DMXL2: variants seen among roughly 807,000 people sequenced by gnomAD.
DMXL2 encodes the protein dmX-like protein 2.
Under a neutral mutation model 331.1 loss-of-function variants are expected in DMXL2, and 103 were observed. The observed-to-expected ratio is 0.31, with a 90% confidence interval of 0.27 to 0.37. DMXL2 has a LOEUF of 0.37. DMXL2 is among the 10% of genes least tolerant of loss of function. The pLI is 1.00. For missense variants in DMXL2, 3,171 were observed against 3,642.9 expected, an observed-to-expected ratio of 0.87 and a Z score of 3.33; for synonymous variants, 1,281 against 1,252.1, an observed-to-expected ratio of 1.02 and a Z score of -0.49.
intron 13 of DMXL2, among the ~76,000 whole-genome samples, chr15:51,530,991 T>C (rs969415398): frequency 6.6e-5 from 10 of 152,174 alleles, no homozygotes; most frequent in African/African-American, 2.4e-4. Context: ...GCAATCCCTA[T>C]AAAAACACCA....
intron 3 of DMXL2, 174 bp downstream of exon 3, chr15:51,568,313 C>G: frequency 2.0e-6 from 1 of 511,526 alleles, no homozygotes; most frequent in Non-Finnish European, 3.5e-6. Flanking sequence ...TCTAAAAGCA[C>G]TAGGGATGTA....
chr15:51,486,057 C>G lies in DMXL2; in HGVS notation c.5482+16G>C. ...CCTTTAAAAAAGAAAAAAAAGAAAT[C>G]CACAAAACGTCCTACCTTGATGTTC... On this transcript the variant is annotated intron_variant, in intron 23 of 43. Transcript: ENST00000560891. 1 of 1,539,540 alleles carries G rather than the reference C, an allele frequency of 6.5e-7. No individual in the cohort carries two copies.
At position 51,517,164 on chromosome 15, in the gene DMXL2, G is replaced by C. The variant is rs2047082342; in HGVS notation, c.2440C>G (p.Leu814Val). ...ACAATATTAAACACTTCTCCAATAA[G>C]TTTCTGTAAATAAAAAACACAAAAT... Reference protein sequence around the residue: ...DELSDPESSKLIGEVFNIVSQ... With the variant: ...DELSDPESSKVIGEVFNIVSQ... The change falls in exon 14 of 44, where the codon CTT becomes GTT. Residue 814 changes from leucine (L) to valine (V), a missense_variant. Physicochemically the swap from Leu to Val is conservative, Grantham distance 32. Coordinates refer to ENST00000560891, the MANE Select transcript of DMXL2 (RefSeq NM_001378457.1). 1 of 1,612,234 alleles carries C rather than the reference G, an allele frequency of 6.2e-7. No individual in the cohort carries two copies. Among genetic ancestry groups the C allele is most frequent in the Non-Finnish European group, 8.5e-7 (1 of 1,178,516 alleles).
At chr15:51,562,022 TTAGA>T (rs1370880024) in intron 6 of DMXL2, among the ~76,000 whole-genome samples, 1 of 152,166 alleles carries the variant, frequency 6.6e-6, no homozygotes, top group Non-Finnish European at 1.5e-5. Context: ...AAATACACAG[TTAGA>T]TAGATGGAAT....
intron 4 of DMXL2, among the ~76,000 whole-genome samples, chr15:51,564,693 G>C (rs546805825): frequency 6.6e-6 from 1 of 152,182 alleles, no homozygotes; most frequent in African/African-American, 2.4e-5. Context: ...AGGGACAACA[G>C]CTATTATCAT....
At chr15:51,527,099 A>T (rs1372592165) in intron 13 of DMXL2, among the ~76,000 whole-genome samples, 1 of 152,148 alleles carries the variant, frequency 6.6e-6, no homozygotes, top group African/African-American at 2.4e-5. Flanking sequence ...TTTAATAATC[A>T]AACTCCCAAA....
chr15:51,487,842 T>A, intron 22 of DMXL2, 112 bp downstream of exon 22: 1 of 873,740 alleles, frequency 1.1e-6, no homozygotes. Flanking sequence ...GCAACCTCTG[T>A]AGTTATTCTG....
chr15:51,582,962 T>A (rs1470488746), intron 1 of DMXL2, among the ~76,000 whole-genome samples: 4 of 152,002 alleles, frequency 2.6e-5, no homozygotes, highest in African/African-American at 9.7e-5. Flanking sequence ...AAATGTTCAA[T>A]ATATAAAAGT....
chr15:51,499,612 T>A lies in DMXL2; in HGVS notation c.3612A>T (p.Gln1204His), dbSNP rs1459320962. Reference sequence around the variant, plus strand: ...CAGCTACTCCATCCTTACTGTTGGTTTGCTCAGTCACAATTCCTGAAAGCC... The same window carrying A: ...CAGCTACTCCATCCTTACTGTTGGTATGCTCAGTCACAATTCCTGAAAGCC... Reference protein sequence around the residue: ...YGRLSGIVTEQTNSKDGVAVI... With the variant: ...YGRLSGIVTEHTNSKDGVAVI... The change falls in exon 18 of 44, where the codon CAA becomes CAT. Residue 1204 changes from glutamine to histidine, a missense_variant. Gln to His is a conservative substitution (Grantham distance 24). Around this residue, in one of 7 missense-constraint regions of DMXL2, gnomAD observed 1,674 missense variants for 1,780.2 expected, o/e 0.94. Transcript: ENST00000560891. 3.1e-6 allele frequency: 5 copies of A among 1,614,006 alleles called. No individual in the cohort carries two copies. The South Asian group carries it at 5.5e-5, about 18-fold the overall frequency.
intron 9 of DMXL2, among the ~76,000 whole-genome samples, chr15:51,540,287 A>G (rs10851501): frequency 0.81 from 123,905 of 152,206 alleles, 50,817 homozygotes; most frequent in East Asian, 0.99. Context: ...CTATATTTGT[A>G]TATGAATGGT....
intron 1 of DMXL2, among the ~76,000 whole-genome samples, chr15:51,621,332 G>A (rs1449755917): frequency 6.6e-6 from 1 of 152,216 alleles, no homozygotes; most frequent in Non-Finnish European, 1.5e-5. Flanking sequence ...TGATTCTGCA[G>A]TTTTGCTGAA....
chr15:51,513,844 AAAT>A (rs2046890455), intron 15 of DMXL2, among the ~76,000 whole-genome samples: 1 of 152,176 alleles, frequency 6.6e-6, no homozygotes, highest in South Asian at 2.1e-4. Context: ...TAAAAAACTT[AAAT>A]AAAAGTTTAA....
chr15:51,515,648 T>C (rs2046994319), intron 14 of DMXL2, among the ~76,000 whole-genome samples: 1 of 152,128 alleles, frequency 6.6e-6, no homozygotes, highest in Non-Finnish European at 1.5e-5. Context: ...AATTTTAAAC[T>C]TTGTCATTCA....
intron 13 of DMXL2, among the ~76,000 whole-genome samples, chr15:51,525,405 G>A (rs2047614582): frequency 6.6e-6 from 1 of 152,126 alleles, no homozygotes; most frequent in Admixed American, 6.5e-5. Flanking sequence ...TAAAATTGGA[G>A]AGAAGCAGAG....
At chr15:51,490,529 C>T (rs2042719547) in intron 20 of DMXL2, among the ~76,000 whole-genome samples, 1 of 152,180 alleles carries the variant, frequency 6.6e-6, no homozygotes, top group Admixed American at 6.5e-5. Context: ...CTTTCCTAAT[C>T]CTGCTAAAGT....
At chr15:51,526,842 A>C (rs962685794) in intron 13 of DMXL2, among the ~76,000 whole-genome samples, 2 of 152,188 alleles carry the variant, frequency 1.3e-5, no homozygotes, top group Non-Finnish European at 2.9e-5. Context: ...CACACAGAGG[A>C]GACAAAAGAA....
At position 51,491,666 on chromosome 15, in the gene DMXL2, C is replaced by T. The variant is rs1301296877; in HGVS notation, c.4865G>A (p.Arg1622Lys). The change falls in exon 20 of 44, where the codon AGA becomes AAA. Residue 1622 changes from arginine (R) to lysine (K), a missense_variant. Physicochemically the swap from Arg to Lys is conservative, Grantham distance 26. Transcript: ENST00000560891. ...ELINMIPAIQ[R>K]GDPQWSELRA... ...TAATTCAGACCACTGGGGGTCCCCT[C>T]TCTGAATTGCTGGAATCATATTAAT... 1.2e-6 allele frequency: 2 copies of T among 1,613,648 alleles called. No individual in the cohort carries two copies. Among genetic ancestry groups the T allele is most frequent in the African/African-American group, 1.3e-5 (1 of 74,876 alleles).
At chr15:51,510,491 T>C (rs1319917899) in intron 15 of DMXL2, among the ~76,000 whole-genome samples, 1 of 151,132 alleles carries the variant, frequency 6.6e-6, no homozygotes, top group Non-Finnish European at 1.5e-5. Context: ...GAATACAACT[T>C]ACAAGACCCT....
intron 1 of DMXL2, among the ~76,000 whole-genome samples, chr15:51,597,219 C>T (rs977304437): frequency 2.0e-5 from 3 of 152,114 alleles, no homozygotes; most frequent in African/African-American, 7.2e-5. Context: ...GTGTAACCAC[C>T]ACCCAAGAAG....
Sources: gnomAD v4.1 joint callset for allele counts (sites outside exome capture counted in the v4.1 genomes callset) on GRCh38, gnomAD v4.1.1 for gene constraint, gnomAD v4.1.1 regional missense constraint, MANE v1.5 for transcripts, NCBI Gene and HGNC (gene_info 2026-07-23, HGNC 2026-07-21) for gene names.